NHS: variants seen among roughly 807,000 people sequenced by gnomAD.
NHS encodes the protein NHS actin remodeling regulator.
A neutral mutation model predicts 72.5 loss-of-function variants in NHS; 5 were observed. That is an observed-to-expected ratio of 0.07 (90% confidence interval 0.04 to 0.14). NHS has a LOEUF of 0.14. Among genes scored for constraint, NHS ranks in the 10% least tolerant of loss-of-function variants. The probability of loss-of-function intolerance (pLI) is 1.00; values close to 1 mark genes in which losing one functional copy is unlikely to be tolerated. For synonymous variants in NHS, 464 were observed against 547.7 expected (o/e 0.85, Z 2.13); for missense variants, 1,072 against 1,355.7 (o/e 0.79, Z 3.29).
At position 17,719,151 on chromosome X, in the gene NHS, AAGG is replaced by A. The variant is rs1483904909; in HGVS notation, c.853-190_853-188del. On this transcript the variant is annotated intron_variant, in intron 3 of 8. Coordinates refer to ENST00000676302, the MANE Select transcript of NHS (RefSeq NM_001291867.2). ...TAAGGAGAAGAAAGGAAGGAATAATAAGGAGAAGGAAGGAATAATGAGAAGGAA... is the reference window on the plus strand; with the variant it reads ...TAAGGAGAAGAAAGGAAGGAATAATAAGAAGGAAGGAATAATGAGAAGGAA... 2.1e-4 allele frequency: 75 copies of A among 357,774 alleles called. No homozygotes were observed. In the East Asian group the frequency reaches 2.9e-3, roughly 14 times the overall value. The allele number at this position is 357,774 out of a possible 1,213,427, so 29.5% of individuals were successfully genotyped here. A position where few individuals can be genotyped will look rare whatever the true frequency, so the allele number is the denominator to read the frequency against.
In NHS at chrX:17,719,351, G is replaced by T; in HGVS notation, c.860G>T (p.Ser287Ile). Residue 287 changes from serine (S) to isoleucine (I), a missense_variant, in exon 4 of 9, where the codon AGC becomes ATC. By Grantham distance (142) the Ser-to-Ile change is moderately radical. Coordinates refer to ENST00000676302, the MANE Select transcript of NHS (RefSeq NM_001291867.2). ...FKDRHFLTFN[S>I]TRSPSPTECC... ...TGCATTTCATGTTCATAGTTTAACA[G>T]CACCCGTTCGCCCTCCCCCACTGAA... 8.6e-7 allele frequency: 1 copy of T among 1,166,095 alleles called. No homozygotes were observed. The highest frequency in any genetic ancestry group is 1.1e-6 in the Non-Finnish European group (1 of 872,186).
chrX:17,701,303 G>C (rs1333842946), intron 3 of NHS, among the ~76,000 whole-genome samples: 2 of 111,663 alleles, frequency 1.8e-5, no homozygotes, highest in African/African-American at 6.5e-5. Context: ...ATAAAAGAAA[G>C]AGTCCATTCT....
chrX:17,557,764 G>A lies in NHS; in HGVS notation c.566-129978G>A, dbSNP rs774613082. On this transcript the variant is annotated intron_variant, in intron 1 of 8. Transcript: ENST00000676302. Reference sequence around the variant, plus strand: ...ATATAGCTGTTGGCAGGCCTCAGAAGGTCCACTTCGAAGTTTACACACATG... The same window carrying A: ...ATATAGCTGTTGGCAGGCCTCAGAAAGTCCACTTCGAAGTTTACACACATG... 1.1e-4 allele frequency among the ~76,000 whole-genome samples: 12 copies of A among 111,265 alleles called. No individual in the cohort carries two copies. The South Asian group carries it at 4.6e-3, about 43-fold the overall frequency.
chrX:17,602,839 T>C (rs2065658609), intron 1 of NHS, among the ~76,000 whole-genome samples: 1 of 103,898 alleles, frequency 9.6e-6, no homozygotes, highest in South Asian at 4.5e-4. Context: ...CTACAATTTT[T>C]TTTTTTTTTT....
intron 1 of NHS, among the ~76,000 whole-genome samples, chrX:17,543,128 G>C (rs763686980): frequency 1.8e-5 from 2 of 111,626 alleles, no homozygotes; most frequent in South Asian, 7.5e-4. Flanking sequence ...CAGAGATTCT[G>C]ATTCTACAGG....
intron 1 of NHS, among the ~76,000 whole-genome samples, chrX:17,558,050 C>T (rs186778895): frequency 7.1e-5 from 8 of 111,934 alleles, no homozygotes; most frequent in Non-Finnish European, 1.1e-4. Context: ...TAGGTACAGC[C>T]GACACTCAAG....
intron 1 of NHS, among the ~76,000 whole-genome samples, chrX:17,539,210 T>C (rs1464293173): frequency 1.8e-5 from 2 of 111,579 alleles, no homozygotes; most frequent in African/African-American, 6.5e-5. Context: ...GCTCTGGCTC[T>C]TTCCTCTTTA....
Position 17,735,925 on chromosome X carries a change from A to C in NHS, c.*3461A>C, listed in dbSNP as rs542018466. On this transcript the variant is annotated 3_prime_UTR_variant, in exon 9 of 9. Coordinates refer to ENST00000676302, the MANE Select transcript of NHS (RefSeq NM_001291867.2). ...TCATTGTGAACCCCTCTCAAAAAAA[A>C]TGTATCAGAAAAGTTTGATTACCTA... is the stretch of plus-strand genomic sequence containing the variant. 1 of 112,424 alleles carries C rather than the reference A, an allele frequency of 8.9e-6. No individual in the cohort carries two copies. The highest frequency in any genetic ancestry group is 2.8e-4 in the East Asian group (1 of 3,586). The allele number at this position is 112,424 out of a possible 1,213,427, so 9.3% of individuals were successfully genotyped here.
chrX:17,656,076 G>A (rs1162994435), intron 1 of NHS, among the ~76,000 whole-genome samples: 2 of 113,453 alleles, frequency 1.8e-5, no homozygotes, highest in Admixed American at 9.2e-5. Flanking sequence ...GGGAGAGGGA[G>A]AAGAGGCAGA....
chrX:17,673,699 ACTC>A (rs756145649), intron 1 of NHS, among the ~76,000 whole-genome samples: 112 of 111,145 alleles, frequency 1.0e-3, no homozygotes, highest in Middle Eastern at 9.3e-3. Flanking sequence ...ACAGTGAACT[ACTC>A]CTGGGACCTA....
Position 17,376,041 on chromosome X carries a change from G to A in NHS, c.284G>A (p.Ser95Asn). The A allele has an allele frequency of 9.3e-7, 1 of 1,070,256 alleles. No individual in the cohort carries two copies. The highest frequency in any genetic ancestry group is 1.2e-6 in the Non-Finnish European group (1 of 833,928). The allele number at this position is 1,070,256 out of a possible 1,213,427, so 88.2% of individuals were successfully genotyped here. ...GAGGCGTCCGTGGCTGGCGAGGAGA[G>A]CACGGCGGGGATCCCGGAGGCGGCG... ...HGEASVAGEE[S>N]TAGIPEAAPA... The change falls in exon 1 of 9, where the codon AGC (serine) becomes AAC (asparagine). Residue 95 changes from serine to asparagine, a missense_variant. Ser to Asn is a conservative substitution (Grantham distance 46). Coordinates refer to ENST00000676302, the MANE Select transcript of NHS (RefSeq NM_001291867.2).
intron 1 of NHS, among the ~76,000 whole-genome samples, chrX:17,495,524 G>C: frequency 8.9e-6 from 1 of 111,810 alleles, no homozygotes; most frequent in Non-Finnish European, 1.9e-5. Flanking sequence ...TCAGAATCCA[G>C]TAAGGTAGAC....
At chrX:17,643,417 A>G (rs1412292824) in intron 1 of NHS, among the ~76,000 whole-genome samples, 2 of 111,478 alleles carry the variant, frequency 1.8e-5, no homozygotes, top group African/African-American at 6.5e-5. Context: ...GGAGCTCTCA[A>G]TGAGGTTAAG....
intron 1 of NHS, among the ~76,000 whole-genome samples, chrX:17,440,581 G>T: frequency 8.9e-6 from 1 of 111,765 alleles, no homozygotes. Context: ...CACCTTGCTT[G>T]CTCTTCTTGT....
chrX:17,387,621 A>G lies in NHS; in HGVS notation c.565+11299A>G, dbSNP rs1265317649. ...TTTGCTGAGGCTCAGTTTGAGTAAC[A>G]TTGGCAAGTGTCTGGTTTAACTAAT... On this transcript the variant is annotated intron_variant, in intron 1 of 8. Transcript: ENST00000676302. Among the ~76,000 whole-genome samples the G allele has an allele frequency of 3.6e-5, 4 of 112,290 alleles. No homozygotes were observed. In the East Asian group the frequency reaches 1.1e-3, roughly 31 times the overall value.
intron 1 of NHS, among the ~76,000 whole-genome samples, chrX:17,630,149 C>A (rs2046804582): frequency 1.0e-5 from 1 of 98,919 alleles, no homozygotes; most frequent in Admixed American, 1.2e-4. Flanking sequence ...CGAATGATAA[C>A]CCCGGTGGAT....
At chrX:17,564,969 A>ATTTTTTTTTTTTTTTTTT (rs201932159) in intron 1 of NHS, among the ~76,000 whole-genome samples, 2 of 99,944 alleles carry the variant, frequency 2.0e-5, no homozygotes, top group African/African-American at 9.2e-5. Flanking sequence ...GTACAGCCAC[A>ATTTTTTTTTTTTTTTTTT]TTTTTTTTTA....
At position 17,635,513 on chromosome X, in the gene NHS, G is replaced by A. The variant is rs181174901; in HGVS notation, c.566-52229G>A. Reference sequence around the variant, plus strand: ...TTTCAGCTCTCTGGCATTCAGAGACGTCTTTGCATAAAAGAAAAGGCCCTT... The same window carrying A: ...TTTCAGCTCTCTGGCATTCAGAGACATCTTTGCATAAAAGAAAAGGCCCTT... On this transcript the variant is annotated intron_variant, in intron 1 of 8. Transcript: ENST00000676302. 400 of 1,166,322 alleles carry A rather than the reference G, an allele frequency of 3.4e-4. No individual in the cohort carries two copies. In the Middle Eastern group the frequency reaches 6.4e-3, roughly 19 times the overall value.
chrX:17,667,723 T>C (rs1413355003), intron 1 of NHS, among the ~76,000 whole-genome samples: 1 of 111,123 alleles, frequency 9.0e-6, no homozygotes, highest in Non-Finnish European at 1.9e-5. Flanking sequence ...TAAGGCGAGT[T>C]CTCAGGAGAA....
Sources: gnomAD v4.1 joint callset for allele counts (sites outside exome capture counted in the v4.1 genomes callset) on GRCh38, gnomAD v4.1.1 for gene constraint, MANE v1.5 for transcripts, NCBI Gene and HGNC (gene_info 2026-07-23, HGNC 2026-07-21) for gene names.